Variants in GRIK1 observed in about 807,000 individuals in gnomAD.
GRIK1 encodes glutamate receptor ionotropic, kainate 1.
A neutral mutation model predicts 105.7 loss-of-function variants in GRIK1; 69 were observed. The observed-to-expected ratio is 0.65, with a 90% CI of 0.54 to 0.80. The LOEUF (loss-of-function observed/expected upper bound fraction) is 0.80, where lower values mean the gene tolerates loss of function less well. GRIK1 is among the 30% of genes least tolerant of loss of function. The probability of loss-of-function intolerance (pLI) is 0.00; values close to 1 mark genes in which losing one functional copy is unlikely to be tolerated. For synonymous variants in GRIK1, 438 were observed against 431.3 expected, an observed-to-expected ratio of 1.02 and a Z score of -0.19; for missense variants, 1,109 against 1,167.3, an observed-to-expected ratio of 0.95 and a Z score of 0.73.
chr21:29,640,264 T>G (rs189193715), intron 7 of GRIK1, among the ~76,000 whole-genome samples: 148 of 152,248 alleles, frequency 9.7e-4, no homozygotes, highest in African/African-American at 3.5e-3. Flanking sequence ...AGTTATGCAC[T>G]CATCTGAAAA....
intron 16 of GRIK1, among the ~76,000 whole-genome samples, chr21:29,547,343 C>G (rs2090065710): frequency 6.6e-6 from 1 of 152,110 alleles, no homozygotes; most frequent in Non-Finnish European, 1.5e-5. Context: ...TTCATGTGTC[C>G]AAGAGAGACA....
At chr21:29,732,165 A>G (rs2064646962) in intron 1 of GRIK1, among the ~76,000 whole-genome samples, 1 of 152,204 alleles carries the variant, frequency 6.6e-6, no homozygotes, top group Non-Finnish European at 1.5e-5. Flanking sequence ...GTAATAAAGT[A>G]TCCCAGTTTG....
At chr21:29,620,282 C>A (rs1456587537) in intron 7 of GRIK1, among the ~76,000 whole-genome samples, 1 of 152,168 alleles carries the variant, frequency 6.6e-6, no homozygotes, top group Non-Finnish European at 1.5e-5. Context: ...TGAGACGTAA[C>A]AGGTATTTCT....
intron 1 of GRIK1, among the ~76,000 whole-genome samples, chr21:29,767,316 T>C (rs937635979): frequency 7.2e-5 from 11 of 152,210 alleles, no homozygotes; most frequent in African/African-American, 2.4e-4. Flanking sequence ...GTAAACAGAA[T>C]TATTATCTAT....
chr21:29,937,257 C>A (rs1052638382), intron 1 of GRIK1, among the ~76,000 whole-genome samples: 1 of 152,174 alleles, frequency 6.6e-6, no homozygotes, highest in Non-Finnish European at 1.5e-5. Context: ...CATTTAAAAG[C>A]GTGCATTGGT....
intron 8 of GRIK1, among the ~76,000 whole-genome samples, chr21:29,597,851 CA>C (rs201050947): frequency 4.6e-5 from 7 of 151,222 alleles, no homozygotes; most frequent in Non-Finnish European, 7.4e-5. Flanking sequence ...TTAGCACCTG[CA>C]AAAAAAATGT....
chr21:29,734,337 A>T (rs1368541764), intron 1 of GRIK1, among the ~76,000 whole-genome samples: 2 of 149,834 alleles, frequency 1.3e-5, no homozygotes, highest in Non-Finnish European at 2.9e-5. Flanking sequence ...GATATACTGG[A>T]TCATAGCACT....
chr21:29,644,078 A>G (rs957661064), intron 6 of GRIK1, among the ~76,000 whole-genome samples: 3 of 152,186 alleles, frequency 2.0e-5, no homozygotes, highest in Non-Finnish European at 2.9e-5. Context: ...TCATAGAATG[A>G]AAATTATCAT....
At chr21:29,739,625 A>G (rs17186870) in intron 1 of GRIK1, among the ~76,000 whole-genome samples, 6,705 of 152,310 alleles carry the variant, frequency 0.044, 207 homozygotes, top group Non-Finnish European at 0.061. Flanking sequence ...AGAGGTCTTC[A>G]GACATTTTTG....
chr21:29,716,428 G>A (rs906895145), intron 1 of GRIK1, among the ~76,000 whole-genome samples: 2 of 152,094 alleles, frequency 1.3e-5, no homozygotes, highest in Non-Finnish European at 2.9e-5. Context: ...GACTTAGAGG[G>A]CTCAGAGACA....
chr21:29,721,653 G>A (rs978946770), intron 1 of GRIK1, among the ~76,000 whole-genome samples: 29 of 151,908 alleles, frequency 1.9e-4, no homozygotes, highest in Admixed American at 1.9e-3. Flanking sequence ...CAGATATTAT[G>A]TTCCCCAAGT....
chr21:29,653,875 C>G (rs1032928943), intron 5 of GRIK1, among the ~76,000 whole-genome samples: 5 of 152,210 alleles, frequency 3.3e-5, no homozygotes, highest in African/African-American at 9.7e-5. Flanking sequence ...ATTTTGACAA[C>G]TGTCCCAAAG....
chr21:29,687,219 A>G (rs1286404590), intron 3 of GRIK1, among the ~76,000 whole-genome samples: 1 of 152,186 alleles, frequency 6.6e-6, no homozygotes, highest in Non-Finnish European at 1.5e-5. Flanking sequence ...TGTTGGCTTC[A>G]GGCTATTTAA....
chr21:29,780,291 C>T (rs1210244801), intron 1 of GRIK1, among the ~76,000 whole-genome samples: 2 of 152,048 alleles, frequency 1.3e-5, no homozygotes, highest in African/African-American at 4.8e-5. Flanking sequence ...CAAGGAACCA[C>T]TAAGATTTAT....
intron 1 of GRIK1, among the ~76,000 whole-genome samples, chr21:29,861,244 A>G (rs1292857122): frequency 2.6e-5 from 4 of 152,166 alleles, no homozygotes; most frequent in African/African-American, 4.8e-5. Flanking sequence ...TTCGTTCCCA[A>G]TCTTATGGGG....
At chr21:29,551,794 T>C (rs1481780952) in intron 16 of GRIK1, among the ~76,000 whole-genome samples, 3 of 152,184 alleles carry the variant, frequency 2.0e-5, no homozygotes, top group Non-Finnish European at 4.4e-5. Flanking sequence ...TTTTGGTTTA[T>C]TAAATTGTCT....
intron 1 of GRIK1, chr21:29,861,599 G>C (rs939604444): frequency 3.4e-6 from 1 of 298,152 alleles, no homozygotes; most frequent in South Asian, 2.6e-5. Flanking sequence ...GAGCCAACAC[G>C]CCCGGCTGCA....
At chr21:29,559,681 G>C (rs1431969548) in intron 15 of GRIK1, among the ~76,000 whole-genome samples, 1 of 152,192 alleles carries the variant, frequency 6.6e-6, no homozygotes, top group Non-Finnish European at 1.5e-5. Flanking sequence ...AAATATGGAA[G>C]ATAGTTGAAC....
chr21:29,712,107 C>CACACACACAT (rs2064068819), intron 1 of GRIK1, among the ~76,000 whole-genome samples: 1 of 151,240 alleles, frequency 6.6e-6, no homozygotes, highest in South Asian at 2.1e-4. Flanking sequence ...CACACACACA[C>CACACACACAT]ACACACACAC....
Sources: allele counts gnomAD v4.1 joint callset (sites outside exome capture counted in the v4.1 genomes callset), GRCh38; gene constraint gnomAD v4.1.1; transcripts MANE v1.5; gene names NCBI Gene and HGNC (gene_info 2026-07-23, HGNC 2026-07-21).